Variants in INTS12 observed in about 807,000 individuals in gnomAD.
INTS12 encodes the protein integrator complex subunit 12.
In INTS12, 13 loss-of-function variants were observed where a neutral mutation model predicts 41.6. That is an observed-to-expected ratio of 0.31 (90% CI 0.20 to 0.50). The LOEUF (loss-of-function observed/expected upper bound fraction) is 0.50. Among genes scored for constraint, INTS12 ranks in the 20% least tolerant of loss-of-function variants. The pLI is 0.98. For missense variants in INTS12, 432 were observed against 541.6 expected (o/e 0.80, Z 2.01); for synonymous variants, 199 against 191.4 (o/e 1.04, Z -0.33).
chr4:105,693,217 CT>C, intron 5 of INTS12, 81 bp downstream of exon 5: 1 of 1,157,864 alleles, frequency 8.6e-7, no homozygotes. Flanking sequence ...AACAATTTTT[CT>C]GATTTTGGGG....
intron 4 of INTS12, 61 bp from the exon 5 acceptor site, chr4:105,693,547 T>G: frequency 7.1e-7 from 1 of 1,418,310 alleles, no homozygotes; most frequent in South Asian, 1.3e-5. Context: ...TTTAAGTCAC[T>G]GAAAGACGAG....
At chr4:105,687,088 TACCATTTTAA>T in intron 6 of INTS12, 1 of 438,396 alleles carries the variant, frequency 2.3e-6, no homozygotes, top group South Asian at 2.7e-5. Context: ...GTTAGTTAAA[TACCATTTTAA>T]CAAGATAAAA....
At chr4:105,708,499 C>G in intron 1 of INTS12, 139 bp downstream of exon 1, 1 of 985,378 alleles carries the variant, frequency 1.0e-6, no homozygotes, top group Non-Finnish European at 1.2e-6. Context: ...GTCTAGGGCA[C>G]GCAACCGCCC....
At chr4:105,684,383 C>A (rs542724573) in intron 7 of INTS12, among the ~76,000 whole-genome samples, 1 of 152,164 alleles carries the variant, frequency 6.6e-6, no homozygotes, top group South Asian at 2.1e-4. Context: ...TACAAAATAA[C>A]ATCCTACTTA....
intron 6 of INTS12, among the ~76,000 whole-genome samples, chr4:105,689,356 A>G (rs891117779): frequency 3.9e-5 from 6 of 152,214 alleles, no homozygotes; most frequent in African/African-American, 2.4e-5. Flanking sequence ...ACCAATGCAC[A>G]TATGAGAATC....
At chr4:105,701,239 T>G (rs1342580069) in intron 2 of INTS12, among the ~76,000 whole-genome samples, 2 of 151,668 alleles carry the variant, frequency 1.3e-5, no homozygotes, top group African/African-American at 4.8e-5. Context: ...TAGGCTTTTT[T>G]TTTTTTTTTT....
Position 105,686,741 on chromosome 4 carries a change from T to G in INTS12, c.755A>C (p.Lys252Thr). Residue 252 changes from lysine (K) to threonine (T), a missense_variant, in exon 7 of 8, where the codon AAA becomes ACA. Lys to Thr is a moderately conservative substitution (Grantham distance 78). Around this residue, in one of 3 missense-constraint regions of INTS12, gnomAD observed 258 missense variants for 309.9 expected, o/e 0.83. Transcript: ENST00000340139. ...KDPLVKKPET[K>T]LKQETTFLAF... ...TAGAAAAGTTGTCTCTTGTTTCAGT[T>G]TAGTTTCTGGTTTCTTAACCAATGG... is the stretch of plus-strand genomic sequence containing the variant. The G allele has an allele frequency of 6.2e-7, 1 of 1,613,782 alleles. No individual in the cohort carries two copies. The highest frequency in any genetic ancestry group is 8.5e-7 in the Non-Finnish European group (1 of 1,179,750).
chr4:105,703,031 T>C (rs975697322), intron 2 of INTS12: 10 of 984,436 alleles, frequency 1.0e-5, no homozygotes, highest in Non-Finnish European at 1.2e-5. Flanking sequence ...GATCTACACA[T>C]ACAAAAATAT....
chr4:105,697,638 A>G (rs2149186656), intron 3 of INTS12, among the ~76,000 whole-genome samples: 1 of 152,306 alleles, frequency 6.6e-6, no homozygotes, highest in African/African-American at 2.4e-5. Context: ...TGCAATGGAG[A>G]CCATCTGGCA....
At chr4:105,698,443 C>G (rs983227253) in intron 3 of INTS12, among the ~76,000 whole-genome samples, 6 of 152,156 alleles carry the variant, frequency 3.9e-5, no homozygotes, top group African/African-American at 1.4e-4. Context: ...GAAAACTGAT[C>G]AAGAGAAATG....
chr4:105,706,876 C>T (rs1732284303), intron 1 of INTS12, among the ~76,000 whole-genome samples: 1 of 152,102 alleles, frequency 6.6e-6, no homozygotes, highest in Non-Finnish European at 1.5e-5. Context: ...TGAACTATGG[C>T]AATAACCTCG....
chr4:105,690,898 G>A (rs1731662575), intron 6 of INTS12, among the ~76,000 whole-genome samples: 1 of 152,108 alleles, frequency 6.6e-6, no homozygotes, highest in African/African-American at 2.4e-5. Flanking sequence ...TTTCACTTGA[G>A]ATCCTGGAGG....
chr4:105,693,832 C>A (rs1360219613), intron 4 of INTS12, among the ~76,000 whole-genome samples: 2 of 152,102 alleles, frequency 1.3e-5, no homozygotes, highest in African/African-American at 2.4e-5. Flanking sequence ...TGCTTCAAAG[C>A]AAATTCGGAT....
At chr4:105,683,408 A>T (rs569392712) in intron 7 of INTS12, 91 bp from the exon 8 acceptor site, 20 of 945,570 alleles carry the variant, frequency 2.1e-5, no homozygotes, top group Non-Finnish European at 3.1e-5. Flanking sequence ...AATTTAAATC[A>T]CACCACCAAA....
chr4:105,688,964 T>A (rs958512195), intron 6 of INTS12, among the ~76,000 whole-genome samples: 1 of 152,232 alleles, frequency 6.6e-6, no homozygotes, highest in African/African-American at 2.4e-5. Flanking sequence ...AAAATTTTCA[T>A]TGGATGACTG....
At position 105,696,493 on chromosome 4, in the gene INTS12, C is replaced by T. The variant is rs181810632; in HGVS notation, c.157-825G>A. On this transcript the variant is annotated intron_variant, in intron 3 of 7. Transcript: ENST00000340139. ...TTTTGGTCTGGCTTCTTCTACTCAG[C>T]ATATTTATTTTGAGATTCATCCATG... Among the ~76,000 whole-genome samples the T allele has an allele frequency of 2.6e-5, 4 of 152,224 alleles. No individual in the cohort carries two copies. The East Asian group carries it at 7.7e-4, about 29-fold the overall frequency.
intron 2 of INTS12, among the ~76,000 whole-genome samples, chr4:105,702,382 C>T (rs1006156548): frequency 3.9e-5 from 6 of 152,044 alleles, no homozygotes; most frequent in Admixed American, 6.5e-5. Flanking sequence ...GTGATCCACC[C>T]GCCTCGGCCT....
chr4:105,704,284 C>A (rs1459364615), intron 1 of INTS12, among the ~76,000 whole-genome samples: 1 of 152,194 alleles, frequency 6.6e-6, no homozygotes, highest in East Asian at 1.9e-4. Context: ...TGTCAGTCAT[C>A]TTTGTAGGTT....
At chr4:105,708,056 C>G (rs1476676269) in intron 1 of INTS12, 3 of 985,316 alleles carry the variant, frequency 3.0e-6, no homozygotes, top group Non-Finnish European at 2.4e-6. Context: ...TTCATGACTT[C>G]GCAAGCTCTT....
Sources: allele counts gnomAD v4.1 joint callset (sites outside exome capture counted in the v4.1 genomes callset), GRCh38; gene constraint gnomAD v4.1.1; regional missense constraint gnomAD v4.1.1; transcripts MANE v1.5; gene names NCBI Gene and HGNC (gene_info 2026-07-23, HGNC 2026-07-21).